The following CDH13 variants were observed in gnomAD, a reference collection of about 807,000 sequenced individuals.
CDH13 encodes cadherin-13.
CDH13 carries 24 observed loss-of-function variants against 63.8 expected under a neutral mutation model. The observed-to-expected ratio is 0.38, with a 90% CI of 0.27 to 0.53. The LOEUF (loss-of-function observed/expected upper bound fraction) is 0.53. CDH13 is among the 20% of genes least tolerant of loss of function. The pLI is 0.85. For missense variants in CDH13, 1,049 were observed against 903.1 expected, an observed-to-expected ratio of 1.16 and a Z score of -2.07; for synonymous variants, 503 against 355.3, an observed-to-expected ratio of 1.42 and a Z score of -4.67.
intron 7 of CDH13, among the ~76,000 whole-genome samples, chr16:83,573,667 CAAAG>C (rs1904849240): frequency 6.6e-6 from 1 of 152,018 alleles, no homozygotes; most frequent in Non-Finnish European, 1.5e-5. Flanking sequence ...AAATAAAAAA[CAAAG>C]GTAGAAGGAA....
In CDH13 at chr16:83,118,283, G is replaced by A. The variant is rs575430564; in HGVS notation, c.367-7102G>A. Reference sequence around the variant, plus strand: ...CTGAGGGGATTGTGTTCAGCACACTGGAAGTGCGAAGACGTGTGGCATATG... The same window carrying A: ...CTGAGGGGATTGTGTTCAGCACACTAGAAGTGCGAAGACGTGTGGCATATG... On this transcript the variant is annotated intron_variant, in intron 3 of 13. Transcript: ENST00000567109. 5.9e-5 allele frequency among the ~76,000 whole-genome samples: 9 copies of A among 152,308 alleles called. No homozygotes were observed. The South Asian group carries it at 1.5e-3, about 25-fold the overall frequency.
intron 3 of CDH13, among the ~76,000 whole-genome samples, chr16:83,039,727 C>T (rs1917172655): frequency 6.6e-6 from 1 of 152,082 alleles, no homozygotes; most frequent in South Asian, 2.1e-4. Context: ...CGAGTTACCC[C>T]TCTCACACCC....
intron 4 of CDH13, among the ~76,000 whole-genome samples, chr16:83,216,020 C>T (rs1250215788): frequency 3.3e-5 from 5 of 150,364 alleles, no homozygotes; most frequent in Admixed American, 3.3e-4. Context: ...TGCTTCTCAG[C>T]CTAACCCTCT....
At chr16:83,233,876 T>C (rs1001445785) in intron 5 of CDH13, among the ~76,000 whole-genome samples, 6 of 152,212 alleles carry the variant, frequency 3.9e-5, no homozygotes, top group African/African-American at 1.4e-4. Flanking sequence ...GCCGCTATTC[T>C]ACCTACCACC....
At chr16:83,360,983 C>T (rs897784676) in intron 6 of CDH13, among the ~76,000 whole-genome samples, 5 of 152,052 alleles carry the variant, frequency 3.3e-5, no homozygotes, top group Non-Finnish European at 7.4e-5. Context: ...AATGAGATTG[C>T]TTGTTTTAAG....
intron 8 of CDH13, among the ~76,000 whole-genome samples, chr16:83,650,276 T>C (rs1447275620): frequency 6.6e-6 from 1 of 152,230 alleles, no homozygotes; most frequent in Non-Finnish European, 1.5e-5. Flanking sequence ...ATTCAAAAAT[T>C]GTAGGGTAAT....
intron 13 of CDH13, among the ~76,000 whole-genome samples, chr16:83,785,844 A>G (rs1268399695): frequency 6.6e-6 from 1 of 152,156 alleles, no homozygotes; most frequent in Non-Finnish European, 1.5e-5. Context: ...GTCCGAAGAC[A>G]CTGGGAAATC....
At chr16:83,493,026 T>G (rs924397228) in intron 7 of CDH13, among the ~76,000 whole-genome samples, 5 of 151,448 alleles carry the variant, frequency 3.3e-5, no homozygotes, top group African/African-American at 7.3e-5. Context: ...TGTTGTTGTT[T>G]TTGGTTTTTT....
At chr16:83,287,356 AAC>A (rs2151861964) in intron 5 of CDH13, among the ~76,000 whole-genome samples, 1 of 152,310 alleles carries the variant, frequency 6.6e-6, no homozygotes, top group Non-Finnish European at 1.5e-5. Flanking sequence ...ACCTGTTAGG[AAC>A]CTGGCTGCCC....
intron 4 of CDH13, among the ~76,000 whole-genome samples, chr16:83,151,065 A>G (rs2036958690): frequency 6.6e-6 from 1 of 152,292 alleles, no homozygotes; most frequent in African/African-American, 2.4e-5. Flanking sequence ...AGTAAAGTGA[A>G]ATCAATCTTG....
chr16:82,860,544 A>T (rs1257893359), intron 2 of CDH13, among the ~76,000 whole-genome samples: 1 of 152,138 alleles, frequency 6.6e-6, no homozygotes, highest in African/African-American at 2.4e-5. Context: ...ATGAGAATTG[A>T]GGACACTTAA....
intron 1 of CDH13, among the ~76,000 whole-genome samples, chr16:82,630,608 C>G (rs1907890764): frequency 6.6e-6 from 1 of 151,392 alleles, no homozygotes; most frequent in Admixed American, 6.6e-5. Flanking sequence ...CTAAAAGCAT[C>G]AGCACTTGGA....
chr16:83,721,926 G>A (rs529243684), intron 10 of CDH13: 1 of 152,272 alleles, frequency 6.6e-6, no homozygotes, highest in Non-Finnish European at 1.5e-5. Context: ...CTAGAGTAGA[G>A]AGATTGGATG....
intron 1 of CDH13, among the ~76,000 whole-genome samples, chr16:82,681,667 T>C (rs765096847): frequency 9.3e-4 from 142 of 152,352 alleles, no homozygotes; most frequent in Non-Finnish European, 1.6e-3. Flanking sequence ...TTCCCTCACC[T>C]TTCTGCCAGC....
chr16:83,549,753 C>G (rs1231226421), intron 7 of CDH13, among the ~76,000 whole-genome samples: 1 of 151,950 alleles, frequency 6.6e-6, no homozygotes, highest in Non-Finnish European at 1.5e-5. Context: ...CAAAGCAAAA[C>G]TTGTCAACTA....
chr16:83,493,763 A>G (rs1310407667), intron 7 of CDH13, among the ~76,000 whole-genome samples: 1 of 152,230 alleles, frequency 6.6e-6, no homozygotes, highest in East Asian at 1.9e-4. Flanking sequence ...TTTAAACATT[A>G]AACACAGCTC....
At chr16:83,202,547 T>C (rs2039062428) in intron 4 of CDH13, among the ~76,000 whole-genome samples, 1 of 152,206 alleles carries the variant, frequency 6.6e-6, no homozygotes, top group Non-Finnish European at 1.5e-5. Context: ...GAACAGAATG[T>C]CAGGATTTCG....
intron 2 of CDH13, among the ~76,000 whole-genome samples, chr16:82,934,025 G>T (rs1338134507): frequency 6.6e-6 from 1 of 152,214 alleles, no homozygotes; most frequent in Non-Finnish European, 1.5e-5. Context: ...CCTGGGGTCT[G>T]GAGGACAGTG....
intron 10 of CDH13, among the ~76,000 whole-genome samples, chr16:83,746,525 T>A (rs974583289): frequency 1.3e-5 from 2 of 152,218 alleles, no homozygotes. Context: ...GGTAGATATC[T>A]TTTTCCCGTG....
Sources: gnomAD v4.1 joint callset for allele counts (sites outside exome capture counted in the v4.1 genomes callset) on GRCh38, gnomAD v4.1.1 for gene constraint, MANE v1.5 for transcripts, NCBI Gene and HGNC (gene_info 2026-07-23, HGNC 2026-07-21) for gene names.